CCDC7: variants seen among roughly 807,000 people sequenced by gnomAD.
CCDC7 encodes the protein coiled-coil domain containing 7.
In CCDC7, 183 loss-of-function variants were observed where a neutral mutation model predicts 196.9. That is an observed-to-expected ratio of 0.93 (90% CI 0.82 to 1.05). The LOEUF (loss-of-function observed/expected upper bound fraction) is 1.05, where lower values mean the gene tolerates loss of function less well. CCDC7 is among the 50% of genes least tolerant of loss of function. The probability of loss-of-function intolerance (pLI) is 0.00; values close to 1 mark genes in which losing one functional copy is unlikely to be tolerated. For synonymous variants in CCDC7, 525 were observed against 484.6 expected, an observed-to-expected ratio of 1.08 and a Z score of -1.10; for missense variants, 1,540 against 1,482.2, an observed-to-expected ratio of 1.04 and a Z score of -0.64.
intron 18 of CCDC7, among the ~76,000 whole-genome samples, chr10:32,597,979 C>T (rs192765097): frequency 6.6e-6 from 1 of 152,204 alleles, no homozygotes; most frequent in Non-Finnish European, 1.5e-5. Flanking sequence ...GGCAGTCTGT[C>T]CGTTCTCAGA....
rs535305313 is a variant in CCDC7, at chr10:32,683,836, C to T, written c.2123-2134C>T. 2.6e-5 allele frequency among the ~76,000 whole-genome samples: 4 copies of T among 152,184 alleles called. No homozygotes were observed. In the East Asian group the frequency reaches 7.8e-4, roughly 30 times the overall value. ...GGGTGGCTGCATTGAGGGCCAAGGT[C>T]GGAAGGCCCTGCTTAGTAAGGAGTA... On this transcript the variant is annotated intron_variant, in intron 21 of 41. Coordinates refer to ENST00000639629, the Ensembl canonical transcript of CCDC7.
chr10:32,554,944 T>C (rs962513014), intron 13 of CCDC7, among the ~76,000 whole-genome samples: 3 of 152,232 alleles, frequency 2.0e-5, no homozygotes, highest in African/African-American at 7.2e-5. Flanking sequence ...CACAAATAAG[T>C]GAGAACATGT....
rs2082258680 is a variant in CCDC7, at chr10:32,788,889, C to T, written c.3013+9805C>T. ...TACAGACCTGATTTTGTGGATATGG[C>T]TTACAGAATCATAGTGGATCCCAGT... is the stretch of plus-strand genomic sequence containing the variant. On this transcript the variant is annotated intron_variant, in intron 29 of 41. Coordinates refer to ENST00000639629, the Ensembl canonical transcript of CCDC7. 2.6e-5 allele frequency among the ~76,000 whole-genome samples: 4 copies of T among 152,298 alleles called. No homozygotes were observed. The South Asian group carries it at 8.3e-4, about 32-fold the overall frequency.
upstream of CCDC7, chr10:32,446,046 C>T (rs542146043): frequency 4.6e-5 from 7 of 152,338 alleles, no homozygotes; most frequent in African/African-American, 1.4e-4. Flanking sequence ...ACTGCGTCTC[C>T]TCTTCCGCTC....
At position 32,593,411 on chromosome 10, in the gene CCDC7, T is replaced by C. The variant is rs184329994; in HGVS notation, c.1801+9107T>C. ...GATGGGTTTGTTTGATTTTTTCCTG[T>C]AAATTTGTTTAAGTTCTTTGTAGAT... On this transcript the variant is annotated intron_variant, in intron 18 of 41. Coordinates refer to ENST00000639629, the Ensembl canonical transcript of CCDC7. 7.9e-3 allele frequency among the ~76,000 whole-genome samples: 1,206 copies of C among 152,358 alleles called. 8 individuals are homozygous for C. Among genetic ancestry groups the C allele is most frequent in the Middle Eastern group, 0.02 (6 of 294 alleles).
intron 41 of CCDC7, among the ~76,000 whole-genome samples, chr10:32,872,220 A>G (rs931215345): frequency 6.6e-6 from 1 of 152,042 alleles, no homozygotes; most frequent in Admixed American, 6.6e-5. Context: ...AAAGTCTCCC[A>G]TTGTTATTGT....
intron 11 of CCDC7, among the ~76,000 whole-genome samples, chr10:32,521,624 A>G (rs2047898194): frequency 6.6e-6 from 1 of 150,800 alleles, no homozygotes; most frequent in Non-Finnish European, 1.5e-5. Flanking sequence ...CAAATATAAG[A>G]TCATACCATA....
chr10:32,588,485 C>A (rs931095456), intron 18 of CCDC7, among the ~76,000 whole-genome samples: 1 of 152,016 alleles, frequency 6.6e-6, no homozygotes, highest in African/African-American at 2.4e-5. Context: ...CTAGTTTGAA[C>A]CACACTTTCT....
chr10:32,725,307 T>C (rs1192032358), intron 25 of CCDC7: 2 of 470,772 alleles, frequency 4.2e-6, no homozygotes, highest in South Asian at 1.5e-5. Context: ...CATATACTAC[T>C]ACAAAAACAA....
rs554470573 is a variant in CCDC7, at chr10:32,575,266, A to G, written c.1454+3373A>G. Reference sequence around the variant, plus strand: ...AATTTTTATCAAAATAAATTTCTGCAAATGAAAATGTATGTTATAACTAAA... The same window carrying G: ...AATTTTTATCAAAATAAATTTCTGCGAATGAAAATGTATGTTATAACTAAA... On this transcript the variant is annotated intron_variant, in intron 16 of 41. Transcript: ENST00000639629. Among the ~76,000 whole-genome samples, 135 of 152,318 alleles carry G rather than the reference A, an allele frequency of 8.9e-4. 1 individual carries two copies. Among genetic ancestry groups the G allele is most frequent in the African/African-American group, 3.1e-3 (130 of 41,572 alleles).
At chr10:32,456,254 G>T (rs772993519) in exon 3 of CCDC7, 6 of 1,543,804 alleles carry the variant, frequency 3.9e-6, no homozygotes, top group Non-Finnish European at 5.3e-6. Flanking sequence ...TCAAAAGGTT[G>T]GGGATGATAT....
Position 32,706,627 on chromosome 10 carries a change from A to C in CCDC7, c.2459-4993A>C, listed in dbSNP as rs902096902. ...AATCAAATAGACGCAATAAAAAATGATAAAGGGGATACCACCCATTATCCC... is the reference window on the plus strand; with the variant it reads ...AATCAAATAGACGCAATAAAAAATGCTAAAGGGGATACCACCCATTATCCC... On this transcript the variant is annotated intron_variant, in intron 24 of 41. Transcript: ENST00000639629. Among the ~76,000 whole-genome samples the C allele has an allele frequency of 1.9e-4, 28 of 151,328 alleles. No individual in the cohort carries two copies. The South Asian group carries it at 5.4e-3, about 29-fold the overall frequency.
At chr10:32,681,147 T>A (rs1384200187) in intron 21 of CCDC7, among the ~76,000 whole-genome samples, 1 of 152,164 alleles carries the variant, frequency 6.6e-6, no homozygotes, top group Non-Finnish European at 1.5e-5. Context: ...TACTACTTTT[T>A]TTCATCACTC....
At chr10:32,855,956 G>A (rs975502248) in intron 41 of CCDC7, among the ~76,000 whole-genome samples, 1 of 152,132 alleles carries the variant, frequency 6.6e-6, no homozygotes, top group Non-Finnish European at 1.5e-5. Flanking sequence ...TTTTACAAGA[G>A]TGCTAAGACT....
intron 33 of CCDC7, among the ~76,000 whole-genome samples, chr10:32,842,346 T>A (rs968652323): frequency 6.6e-6 from 1 of 151,950 alleles, no homozygotes; most frequent in Non-Finnish European, 1.5e-5. Flanking sequence ...GGAAAAATGC[T>A]CAACATCACT....
intron 18 of CCDC7, among the ~76,000 whole-genome samples, chr10:32,620,186 A>C (rs1762547): frequency 6.6e-6 from 1 of 151,898 alleles, no homozygotes; most frequent in Non-Finnish European, 1.5e-5. Context: ...ACCTCCCAAC[A>C]TGCTGGGATT....
At chr10:32,881,256 A>G (rs1310099961), downstream of CCDC7, among the ~76,000 whole-genome samples, 2 of 152,132 alleles carry the variant, frequency 1.3e-5, no homozygotes, top group Non-Finnish European at 2.9e-5. Flanking sequence ...TGCAGGGGCA[A>G]CTGCCTACTT....
chr10:32,743,307 C>G (rs1276806994), intron 28 of CCDC7, among the ~76,000 whole-genome samples: 1 of 152,080 alleles, frequency 6.6e-6, no homozygotes. Flanking sequence ...GATATTAGCC[C>G]TTTGTCAGAT....
rs2034938606 is a variant in CCDC7, at chr10:32,458,741, G to A, written c.456+2407G>A. On this transcript the variant is annotated intron_variant, in intron 3 of 41. Coordinates refer to ENST00000639629, the Ensembl canonical transcript of CCDC7. ...GCTTTGGCTACTTAGGGTCTTTTGT[G>A]GTTCCACATGAATTTTTAGGATTTG... Among the ~76,000 whole-genome samples, 4 of 151,906 alleles carry A rather than the reference G, an allele frequency of 2.6e-5. No homozygotes were observed. In the South Asian group the frequency reaches 8.3e-4, roughly 32 times the overall value.
Sources: allele counts gnomAD v4.1 joint callset (sites outside exome capture counted in the v4.1 genomes callset), GRCh38; gene constraint gnomAD v4.1.1; transcripts MANE v1.5; gene names NCBI Gene and HGNC (gene_info 2026-07-23, HGNC 2026-07-21).